The following SERINC5 variants were observed in gnomAD, a reference collection of about 807,000 sequenced individuals.
The protein encoded by SERINC5 is chromosome 5 open reading frame 12.
SERINC5 carries 41 observed loss-of-function variants against 63.1 expected under a neutral mutation model. The ratio of observed to expected loss-of-function variants is 0.65; its 90% CI spans 0.51 to 0.84. SERINC5 has a LOEUF of 0.84. SERINC5 is among the 40% of genes least tolerant of loss of function. The pLI is 0.00. For missense variants in SERINC5, 523 were observed against 573.0 expected (o/e 0.91, Z 0.89); for synonymous variants, 222 against 215.2 (o/e 1.03, Z -0.28).
intron 8 of SERINC5, among the ~76,000 whole-genome samples, chr5:80,151,505 G>C (rs987426853): frequency 6.6e-6 from 1 of 152,218 alleles, no homozygotes; most frequent in South Asian, 2.1e-4. Context: ...CTTGCATGGG[G>C]CAAAATAATT....
At chr5:80,253,987 A>G (rs1752536206) in intron 1 of SERINC5, among the ~76,000 whole-genome samples, 1 of 152,110 alleles carries the variant, frequency 6.6e-6, no homozygotes, top group African/African-American at 2.4e-5. Flanking sequence ...CTTGAGTGCA[A>G]TGGCGTGATC....
chr5:80,254,675 G>A (rs1752569407), intron 1 of SERINC5, among the ~76,000 whole-genome samples: 1 of 152,142 alleles, frequency 6.6e-6, no homozygotes, highest in South Asian at 2.1e-4. Flanking sequence ...CTGGTAAGGT[G>A]GTGACCATTC....
Position 80,139,392 on chromosome 5 carries a change from G to A in SERINC5, c.*4271C>T. ...TTATCCCAAAGGATTACCTTAAAGA[G>A]TTCTTCCATCATTTTACTCATGTGA... On this transcript the variant is annotated 3_prime_UTR_variant, in exon 12 of 12. Transcript: ENST00000507668. 1.0e-6 allele frequency: 1 copy of A among 985,228 alleles called. No individual in the cohort carries two copies. The allele number at this position is 985,228 out of a possible 1,614,324, so 61.0% of individuals were successfully genotyped here.
At chr5:80,111,941 G>A (rs1744129528) in intron 12 of SERINC5, among the ~76,000 whole-genome samples, 1 of 152,216 alleles carries the variant, frequency 6.6e-6, no homozygotes, top group Non-Finnish European at 1.5e-5. Flanking sequence ...TATGTTTACA[G>A]GCAGTATGCT....
In SERINC5 at chr5:80,146,122, C is replaced by T. The variant is rs778656116; in HGVS notation, c.1206G>A (p.Leu402=). 1.2e-6 allele frequency: 2 copies of T among 1,614,038 alleles called. No homozygotes were observed. The highest frequency in any genetic ancestry group is 1.7e-6 in the Non-Finnish European group (2 of 1,179,880). Residue 402 remains leucine, a synonymous_variant, in exon 11 of 12, where the codon CTG becomes CTA. Transcript: ENST00000507668. ...YFHFVFFLAS[L]YVMMTVTNWF... ...AGTTGGTGACGGTCATCATCACATA[C>T]AGGGAAGCTAGGAAGAACACGAAGT...
At chr5:80,123,792 C>A (rs567896874) in intron 11 of SERINC5, among the ~76,000 whole-genome samples, 64 of 152,292 alleles carry the variant, frequency 4.2e-4, no homozygotes, top group African/African-American at 1.3e-3. Flanking sequence ...CCCTTTCCAC[C>A]AGCCCTGGAA....
chr5:80,156,536 G>C (rs73125981), intron 8 of SERINC5, among the ~76,000 whole-genome samples: 28,166 of 152,148 alleles, frequency 0.19, 3,573 homozygotes, highest in African/African-American at 0.35. Flanking sequence ...ACAGAAGTAC[G>C]CTACAGAGCA....
chr5:80,174,862 T>C, intron 5 of SERINC5, 92 bp downstream of exon 5: 1 of 789,394 alleles, frequency 1.3e-6, no homozygotes, highest in Non-Finnish European at 2.0e-6. Context: ...GAAACAAAAC[T>C]GCAAATCCCT....
chr5:80,159,207 T>C (rs1311027761), intron 7 of SERINC5, among the ~76,000 whole-genome samples: 6 of 152,174 alleles, frequency 3.9e-5, no homozygotes, highest in Admixed American at 3.9e-4. Context: ...CTCAGTGCCA[T>C]GGGGCTCAAA....
chr5:80,180,660 G>A (rs1045807488), intron 2 of SERINC5, among the ~76,000 whole-genome samples: 57 of 152,314 alleles, frequency 3.7e-4, no homozygotes, highest in Admixed American at 2.0e-4. Flanking sequence ...AAGGGGGCAG[G>A]TGGTGAGGCA....
At chr5:80,153,904 G>A (rs1746347962) in intron 8 of SERINC5, among the ~76,000 whole-genome samples, 4 of 152,236 alleles carry the variant, frequency 2.6e-5, no homozygotes, top group Admixed American at 6.5e-5. Context: ...CACAATGCAG[G>A]TGCCCCTCAA....
rs868793902 is a variant in SERINC5 at position 80,207,924 on chromosome 5, C to T, written c.28-4871G>A. Among the ~76,000 whole-genome samples, 5 of 152,298 alleles carry T rather than the reference C, an allele frequency of 3.3e-5. 1 individual carries two copies. Among genetic ancestry groups the T allele is most frequent in the Admixed American group, 3.3e-4 (5 of 15,298 alleles). ...ATCTCACAGCCCTGCTGACTGAACACGTGTTTCTGGAGGAGCATACCTTTG... is the reference window on the plus strand; with the variant it reads ...ATCTCACAGCCCTGCTGACTGAACATGTGTTTCTGGAGGAGCATACCTTTG... On this transcript the variant is annotated intron_variant, in intron 1 of 11. Transcript: ENST00000507668.
intron 7 of SERINC5, among the ~76,000 whole-genome samples, chr5:80,162,449 C>T (rs1747004847): frequency 6.6e-6 from 1 of 152,178 alleles, no homozygotes; most frequent in Non-Finnish European, 1.5e-5. Flanking sequence ...TCATAGCTCA[C>T]CATAACCTCA....
intron 1 of SERINC5, among the ~76,000 whole-genome samples, chr5:80,215,077 G>A (rs1485026497): frequency 6.6e-6 from 1 of 152,186 alleles, no homozygotes; most frequent in East Asian, 1.9e-4. Context: ...GATATGGCTA[G>A]GATTTGTGTC....
intron 11 of SERINC5, among the ~76,000 whole-genome samples, chr5:80,124,430 C>T (rs1744663202): frequency 6.6e-6 from 1 of 152,196 alleles, no homozygotes; most frequent in Admixed American, 6.5e-5. Context: ...GGCTGACTAC[C>T]TTGCAACCTC....
Position 80,142,087 on chromosome 5 carries a change from G to A in SERINC5, c.*1576C>T. The A allele has an allele frequency of 4.1e-6, 4 of 985,406 alleles. No homozygotes were observed. Among genetic ancestry groups the A allele is most frequent in the Non-Finnish European group, 4.8e-6 (4 of 829,934 alleles). 61.0% of individuals were successfully genotyped at this position (985,406 alleles called of 1,614,324 possible). A position where few individuals can be genotyped will look rare whatever the true frequency, so the allele number is the denominator to read the frequency against. On this transcript the variant is annotated 3_prime_UTR_variant, in exon 12 of 12. Transcript: ENST00000507668. ...GGGCACAGAAAAAAATGACTAGGCT[G>A]AGCCTTTTATTCTTAGATCCTCACT...
chr5:80,161,084 TTATC>T (rs1262525445), intron 7 of SERINC5, among the ~76,000 whole-genome samples: 1 of 151,562 alleles, frequency 6.6e-6, no homozygotes, highest in African/African-American at 2.4e-5. Flanking sequence ...CACATTTTCT[TTATC>T]CAATCATCTG....
intron 1 of SERINC5, among the ~76,000 whole-genome samples, chr5:80,230,459 A>AAAAGAAAAG (rs769425698): frequency 4.7e-5 from 6 of 128,630 alleles, no homozygotes; most frequent in Non-Finnish European, 8.0e-5. Context: ...AAAAAAAAAA[A>AAAAGAAAAG]AAAGAAACCA....
intron 2 of SERINC5, among the ~76,000 whole-genome samples, chr5:80,199,014 C>A (rs1305819491): frequency 6.6e-6 from 1 of 152,198 alleles, no homozygotes. Flanking sequence ...AGGCTCACCT[C>A]CCAAAATATC....
Sources: gnomAD v4.1 joint callset for allele counts (sites outside exome capture counted in the v4.1 genomes callset) on GRCh38, gnomAD v4.1.1 for gene constraint, MANE v1.5 for transcripts, NCBI Gene and HGNC (gene_info 2026-07-23, HGNC 2026-07-21) for gene names.